Variants in RHOBTB3 observed in about 807,000 individuals in gnomAD.
The protein encoded by RHOBTB3 is rho-related BTB domain-containing protein 3.
Under a neutral mutation model 67.2 loss-of-function variants are expected in RHOBTB3, and 47 were observed. The ratio of observed to expected loss-of-function variants is 0.70; its 90% CI spans 0.55 to 0.89. The LOEUF (loss-of-function observed/expected upper bound fraction) is 0.89, where lower values mean the gene tolerates loss of function less well. RHOBTB3 is among the 40% of genes least tolerant of loss of function. The probability of loss-of-function intolerance (pLI) is 0.00; values close to 1 mark genes in which losing one functional copy is unlikely to be tolerated. For missense variants in RHOBTB3, 631 were observed against 750.0 expected (o/e 0.84, Z 1.85); for synonymous variants, 273 against 274.2 (o/e 1.00, Z 0.04).
At chr5:95,752,438 T>C in intron 5 of RHOBTB3, 88 bp downstream of exon 5, 1 of 908,922 alleles carries the variant, frequency 1.1e-6, no homozygotes, top group Non-Finnish European at 1.7e-6. Context: ...TTCTCAAACT[T>C]GAGCATGCTC....
upstream of RHOBTB3, among the ~76,000 whole-genome samples, chr5:95,729,921 T>C (rs903460841): frequency 2.0e-5 from 3 of 152,220 alleles, no homozygotes; most frequent in African/African-American, 7.2e-5. Context: ...TCCATTCTAG[T>C]GTCTTTGTTT....
intron 8 of RHOBTB3, among the ~76,000 whole-genome samples, chr5:95,776,987 G>C (rs1401092372): frequency 6.6e-6 from 1 of 152,094 alleles, no homozygotes; most frequent in East Asian, 1.9e-4. Flanking sequence ...GCTGGAATTA[G>C]CCTAGGATAG....
chr5:95,767,118 C>T (rs757355204), intron 7 of RHOBTB3, among the ~76,000 whole-genome samples: 1 of 151,892 alleles, frequency 6.6e-6, no homozygotes, highest in Non-Finnish European at 1.5e-5. Flanking sequence ...GGCTGAGGCA[C>T]GAGAAGCACT....
chr5:95,732,294 C>G (rs1024114485), intron 2 of RHOBTB3: 11 of 613,536 alleles, frequency 1.8e-5, no homozygotes, highest in Non-Finnish European at 2.9e-5. Context: ...ATAGAAGGCC[C>G]CAGTGGGAAT....
At position 95,788,794 on chromosome 5, in the gene RHOBTB3, A is replaced by T. The variant is rs145369052; in HGVS notation, c.1656A>T (p.Leu552=). 9.2e-5 allele frequency: 146 copies of T among 1,588,330 alleles called. No individual in the cohort carries two copies. In the African/African-American group the frequency reaches 1.8e-3, roughly 20 times the overall value. Reference sequence around the variant, plus strand: ...ACTCTGATTGCCTTTCAACCTGGCTACTTCATTTCATTGCTACTAACTACC... The same window carrying T: ...ACTCTGATTGCCTTTCAACCTGGCTTCTTCATTTCATTGCTACTAACTACC... ...FHHSDCLSTW[L]LHFIATNYLI... The change falls in exon 11 of 12, where the codon CTA becomes CTT. Residue 552 remains leucine (L), a synonymous_variant. Transcript: ENST00000379982.
chr5:95,749,645 T>C (rs900106478), intron 4 of RHOBTB3, among the ~76,000 whole-genome samples: 1 of 152,200 alleles, frequency 6.6e-6, no homozygotes, highest in African/African-American at 2.4e-5. Flanking sequence ...TTTAAAAAAA[T>C]CTTAATTTGG....
chr5:95,729,873 C>A (rs921052782), upstream of RHOBTB3, among the ~76,000 whole-genome samples: 3 of 152,184 alleles, frequency 2.0e-5, no homozygotes, highest in Non-Finnish European at 4.4e-5. Context: ...CGCTAATCAT[C>A]CATTACATGT....
At chr5:95,792,585 G>A (rs1746441259) in intron 11 of RHOBTB3, among the ~76,000 whole-genome samples, 1 of 151,870 alleles carries the variant, frequency 6.6e-6, no homozygotes, top group African/African-American at 2.4e-5. Context: ...GAGGTCAGGA[G>A]ATCGAGACCA....
In RHOBTB3 at chr5:95,731,631, C is replaced by G. The variant is rs545543075; in HGVS notation, c.-52C>G. 3.7e-6 allele frequency: 6 copies of G among 1,611,182 alleles called. No homozygotes were observed. Among genetic ancestry groups the G allele is most frequent in the South Asian group, 3.3e-5 (3 of 90,584 alleles). Reference sequence around the variant, plus strand: ...TCGCCGCCCGGGGGCCCCGCGAAGCCGTGAGCCGCTGCTTTTCTCCGAGTC... The same window carrying G: ...TCGCCGCCCGGGGGCCCCGCGAAGCGGTGAGCCGCTGCTTTTCTCCGAGTC... On this transcript the variant is annotated 5_prime_UTR_variant, in exon 1 of 12. Transcript: ENST00000379982.
At chr5:95,765,909 G>A (rs1039200349) in intron 7 of RHOBTB3, among the ~76,000 whole-genome samples, 5 of 152,038 alleles carry the variant, frequency 3.3e-5, no homozygotes, top group South Asian at 2.1e-4. Context: ...TGATCCTCCC[G>A]CCTCGGCCTC....
chr5:95,768,227 T>C, intron 8 of RHOBTB3, 61 bp downstream of exon 8: 3 of 1,507,066 alleles, frequency 2.0e-6, no homozygotes, highest in Non-Finnish European at 2.7e-6. Flanking sequence ...CTTTCCTTGC[T>C]TTCTACTTCA....
In RHOBTB3 at chr5:95,731,618, G is replaced by T. The variant is rs2112766531; in HGVS notation, c.-65G>T. 2 of 1,605,838 alleles carry T rather than the reference G, an allele frequency of 1.2e-6. No homozygotes were observed. Among genetic ancestry groups the T allele is most frequent in the Admixed American group, 1.7e-5 (1 of 59,182 alleles). Reference sequence around the variant, plus strand: ...ATTGCGGGTGAACTCGCCGCCCGGGGGCCCCGCGAAGCCGTGAGCCGCTGC... The same window carrying T: ...ATTGCGGGTGAACTCGCCGCCCGGGTGCCCCGCGAAGCCGTGAGCCGCTGC... On this transcript the variant is annotated 5_prime_UTR_variant, in exon 1 of 12. Coordinates refer to ENST00000379982, the MANE Select transcript of RHOBTB3 (RefSeq NM_014899.4).
intron 8 of RHOBTB3, 139 bp downstream of exon 8, chr5:95,768,305 T>A (rs1745608588): frequency 6.3e-6 from 4 of 635,480 alleles, no homozygotes; most frequent in Non-Finnish European, 1.0e-5. Flanking sequence ...ACTACCTTAA[T>A]GTCAACAAAA....
In RHOBTB3 at chr5:95,724,079, G is replaced by A. The variant is rs566531980; in HGVS notation, n.133+6314G>A. Among the ~76,000 whole-genome samples, 6 of 152,274 alleles carry A rather than the reference G, an allele frequency of 3.9e-5. 1 individual carries two copies. The highest frequency in any genetic ancestry group is 1.4e-4 in the African/African-American group (6 of 41,540). On this transcript the variant is annotated intron_variant and non_coding_transcript_variant, in intron 1 of 5. Transcript: ENST00000504949. ...TGAAATTTTCCTCTCAAAAGTTATT[G>A]TGAATAAAGCTTTACAGGGAGAAGG...
intron 4 of RHOBTB3, among the ~76,000 whole-genome samples, chr5:95,751,744 A>G (rs554022269): frequency 4.9e-4 from 74 of 152,158 alleles, no homozygotes; most frequent in South Asian, 3.9e-3. Flanking sequence ...TTGTGTCCAT[A>G]TGTACTCAAT....
At chr5:95,721,052 G>A (rs934197213) in intron 1 of RHOBTB3, among the ~76,000 whole-genome samples, 3 of 152,192 alleles carry the variant, frequency 2.0e-5, no homozygotes, top group African/African-American at 7.2e-5. Flanking sequence ...TTACCCGGTG[G>A]TAATTAATCC....
intron 7 of RHOBTB3, among the ~76,000 whole-genome samples, chr5:95,766,153 T>C (rs1267924652): frequency 6.6e-6 from 1 of 152,162 alleles, no homozygotes; most frequent in African/African-American, 2.4e-5. Flanking sequence ...TGTTTTCTTC[T>C]GCCTTAGGAG....
At position 95,793,708 on chromosome 5, in the gene RHOBTB3, T is replaced by C. The variant is rs1746487187; in HGVS notation, c.*534T>C. ...TCAATTGATGACAGTGTTTGAATCA[T>C]CATAAAAAAAATACCTGCTTTTCAT... is the stretch of plus-strand genomic sequence containing the variant. On this transcript the variant is annotated 3_prime_UTR_variant, in exon 12 of 12. Coordinates refer to ENST00000379982, the MANE Select transcript of RHOBTB3 (RefSeq NM_014899.4). 1 of 227,680 alleles carries C rather than the reference T, an allele frequency of 4.4e-6. No homozygotes were observed. Among genetic ancestry groups the C allele is most frequent in the South Asian group, 5.6e-5 (1 of 17,766 alleles). 14.1% of individuals were successfully genotyped at this position (227,680 alleles called of 1,614,324 possible).
intron 3 of RHOBTB3, among the ~76,000 whole-genome samples, chr5:95,743,002 C>T (rs1170703517): frequency 6.6e-6 from 1 of 152,028 alleles, no homozygotes; most frequent in Non-Finnish European, 1.5e-5. Flanking sequence ...ACCTGGGAGG[C>T]GGAGGTTGCT....
Sources: allele counts gnomAD v4.1 joint callset (sites outside exome capture counted in the v4.1 genomes callset), GRCh38; gene constraint gnomAD v4.1.1; transcripts MANE v1.5; gene names NCBI Gene and HGNC (gene_info 2026-07-23, HGNC 2026-07-21).